ENKUR: variants seen among roughly 807,000 people sequenced by gnomAD.
ENKUR encodes enkurin.
A neutral mutation model predicts 27.6 loss-of-function variants in ENKUR; 19 were observed. That is an observed-to-expected ratio of 0.69 (90% CI 0.48 to 1.01). ENKUR has a LOEUF of 1.01. Among genes scored for constraint, ENKUR ranks in the 50% least tolerant of loss-of-function variants. ENKUR has a pLI of 0.00. For synonymous variants in ENKUR, 117 were observed against 96.9 expected, an observed-to-expected ratio of 1.21 and a Z score of -1.22; for missense variants, 312 against 310.5, an observed-to-expected ratio of 1.00 and a Z score of -0.04.
At chr10:25,045,467 A>C (rs1305329451) in intron 2 of ENKUR, among the ~76,000 whole-genome samples, 1 of 152,230 alleles carries the variant, frequency 6.6e-6, no homozygotes, top group Non-Finnish European at 1.5e-5. Context: ...AAAAAGAGGA[A>C]TTCTCCAAGA....
intron 2 of ENKUR, chr10:25,024,042 A>C (rs1464437982): frequency 6.2e-7 from 1 of 1,614,212 alleles, no homozygotes; most frequent in Non-Finnish European, 8.5e-7. Context: ...AGGAGTTTCC[A>C]AAATTAAGCT....
rs561238511 is a variant in ENKUR, at chr10:25,001,213, T to C, written c.78-1667A>G. Among the ~76,000 whole-genome samples, 32 of 152,190 alleles carry C rather than the reference T, an allele frequency of 2.1e-4. No individual in the cohort carries two copies. In the South Asian group the frequency reaches 6.6e-3, roughly 31 times the overall value. ...TACCATTCCTTCTCCATAAAGGACATTTTTAAACTTCTGGCTTCCATCGTT... is the reference window on the plus strand; with the variant it reads ...TACCATTCCTTCTCCATAAAGGACACTTTTAAACTTCTGGCTTCCATCGTT... On this transcript the variant is annotated intron_variant, in intron 1 of 5. Transcript: ENST00000331161.
chr10:25,057,038 G>C (rs1851266692), intron 2 of ENKUR, among the ~76,000 whole-genome samples: 1 of 152,130 alleles, frequency 6.6e-6, no homozygotes, highest in Non-Finnish European at 1.5e-5. Context: ...TCTTCTCCAA[G>C]ATCAGAAAGA....
At chr10:25,014,445 T>C (rs188236712) in intron 1 of ENKUR, among the ~76,000 whole-genome samples, 88 of 152,130 alleles carry the variant, frequency 5.8e-4, no homozygotes, top group African/African-American at 2.0e-3. Context: ...GATATACTAG[T>C]GCAATATTAT....
At position 24,990,614 on chromosome 10, in the gene ENKUR, A is replaced by G. The variant is rs746470694; in HGVS notation, c.448-5T>C. 3 of 1,591,526 alleles carry G rather than the reference A, an allele frequency of 1.9e-6. No individual in the cohort carries two copies. The South Asian group carries it at 3.5e-5, about 18-fold the overall frequency. The stretch of plus-strand genomic sequence containing the variant: ...TTCAGGTGTGACACCATAATCCTAA[A>G]AAGATTTTGCAGAAAAAAGTAATCA... On this transcript the variant is annotated splice_region_variant and splice_polypyrimidine_tract_variant and intron_variant, in intron 3 of 5. Transcript: ENST00000331161.
intron 2 of ENKUR, among the ~76,000 whole-genome samples, chr10:25,056,398 C>T (rs1188076501): frequency 6.6e-6 from 1 of 152,174 alleles, no homozygotes; most frequent in Admixed American, 6.5e-5. Context: ...GGACTAGGAA[C>T]ATCTCTTATG....
intron 2 of ENKUR, among the ~76,000 whole-genome samples, chr10:25,056,337 C>T (rs894526542): frequency 1.3e-5 from 2 of 152,232 alleles, no homozygotes; most frequent in African/African-American, 2.4e-5. Flanking sequence ...AAGGTAACAG[C>T]ACACGCAGAA....
intron 2 of ENKUR, chr10:25,024,680 C>T: frequency 1.9e-6 from 3 of 1,614,228 alleles, no homozygotes; most frequent in Non-Finnish European, 1.7e-6. Context: ...CATGCTTCCG[C>T]ATATCTTGAT....
intron 2 of ENKUR, 91 bp from the exon 3 acceptor site, chr10:24,995,960 T>G (rs72780376): frequency 0.043 from 44,165 of 1,033,438 alleles, 1,124 homozygotes; most frequent in Non-Finnish European, 0.049. Context: ...ACCACTTGTA[T>G]ATTGAAGTTG....
upstream of ENKUR, chr10:25,016,514 CGAGGGAGGG>C (rs1472476521): frequency 6.6e-6 from 1 of 152,668 alleles, no homozygotes; most frequent in African/African-American, 2.4e-5. Context: ...GCCAGGGAGA[CGAGGGAGGG>C]GAGGAGCCTG....
intron 2 of ENKUR, among the ~76,000 whole-genome samples, chr10:24,996,931 G>A (rs747248599): frequency 5.9e-5 from 9 of 152,288 alleles, no homozygotes; most frequent in South Asian, 2.1e-4. Context: ...TAGAGAAGGC[G>A]CTGATCCAAT....
At chr10:25,009,959 G>C (rs1170865802) in intron 1 of ENKUR, among the ~76,000 whole-genome samples, 1 of 152,100 alleles carries the variant, frequency 6.6e-6, no homozygotes, top group Non-Finnish European at 1.5e-5. Flanking sequence ...AGTAGTATGA[G>C]AACAGACTAA....
chr10:25,051,117 A>G (rs1851182805), intron 2 of ENKUR, among the ~76,000 whole-genome samples: 1 of 152,250 alleles, frequency 6.6e-6, no homozygotes, highest in South Asian at 2.1e-4. Context: ...AAAGCTACAT[A>G]AACGACCGTA....
intron 4 of ENKUR, among the ~76,000 whole-genome samples, chr10:24,987,331 G>A (rs1451596096): frequency 6.6e-6 from 1 of 152,032 alleles, no homozygotes; most frequent in Non-Finnish European, 1.5e-5. Context: ...CTTCACTTCT[G>A]TCAATAATTC....
Position 25,025,022 on chromosome 10 carries a change from T to C in ENKUR, c.38-29153A>G, listed in dbSNP as rs752853478. 3 of 1,614,224 alleles carry C rather than the reference T, an allele frequency of 1.9e-6. No individual in the cohort carries two copies. The Admixed American group carries it at 5.0e-5, about 27-fold the overall frequency. ...AATCGATTAGAAAGTCAGCATCATT[T>C]CCAGATAGAAAAGGCTCTAGTTGAG... On this transcript the variant is annotated intron_variant, in intron 2 of 5. Coordinates refer to the ENKUR transcript ENST00000615958.
At chr10:25,007,249 T>TA (rs1850332242) in intron 1 of ENKUR, among the ~76,000 whole-genome samples, 2 of 152,166 alleles carry the variant, frequency 1.3e-5, no homozygotes, top group East Asian at 1.9e-4. Flanking sequence ...CCGAATAATC[T>TA]AAAAAATGAG....
intron 2 of ENKUR, chr10:25,024,039 T>G: frequency 4.3e-6 from 7 of 1,614,170 alleles, no homozygotes; most frequent in Non-Finnish European, 5.9e-6. Context: ...CAAAGGAGTT[T>G]CCAAAATTAA....
chr10:25,037,501 T>C (rs1010596154), intron 2 of ENKUR, among the ~76,000 whole-genome samples: 5 of 152,220 alleles, frequency 3.3e-5, no homozygotes, highest in Admixed American at 3.3e-4. Context: ...TTTTCACTTT[T>C]ATTTCCCATT....
chr10:25,060,678 C>T (rs577910930), intron 2 of ENKUR, among the ~76,000 whole-genome samples: 1 of 152,182 alleles, frequency 6.6e-6, no homozygotes, highest in East Asian at 1.9e-4. Flanking sequence ...CCCACCCAAG[C>T]AGTGCTAGGG....
Sources: allele counts gnomAD v4.1 joint callset (sites outside exome capture counted in the v4.1 genomes callset), GRCh38; gene constraint gnomAD v4.1.1; transcripts MANE v1.5; gene names NCBI Gene and HGNC (gene_info 2026-07-23, HGNC 2026-07-21).